Variants in CLPTM1 observed in about 807,000 individuals in gnomAD.
CLPTM1 encodes CLPTM1 regulator of GABA type A receptor forward trafficking, also known as putative lipid scramblase CLPTM1.
Under a neutral mutation model 77.3 loss-of-function variants are expected in CLPTM1, and 21 were observed. The observed-to-expected ratio is 0.27, with a 90% CI of 0.19 to 0.39. The LOEUF (loss-of-function observed/expected upper bound fraction) is 0.39, where lower values mean the gene tolerates loss of function less well. Among genes scored for constraint, CLPTM1 ranks in the 10% least tolerant of loss-of-function variants. The pLI, the probability that CLPTM1 is intolerant of heterozygous loss-of-function variation, is 1.00. For synonymous variants in CLPTM1, 373 were observed against 381.0 expected (o/e 0.98, Z 0.24); for missense variants, 642 against 921.2 (o/e 0.70, Z 3.92).
chr19:44,965,598 G>C (rs1301403553), intron 2 of CLPTM1, among the ~76,000 whole-genome samples: 2 of 152,090 alleles, frequency 1.3e-5, no homozygotes, highest in Non-Finnish European at 2.9e-5. Context: ...CAGATCACGA[G>C]GTCAGGAGAT....
At chr19:44,971,798 A>G (rs914378560) in intron 2 of CLPTM1, among the ~76,000 whole-genome samples, 4 of 151,108 alleles carry the variant, frequency 2.6e-5, no homozygotes, top group Admixed American at 6.6e-5. Flanking sequence ...AGCTCAAGCA[A>G]TCCGCCTGCC....
intron 5 of CLPTM1, among the ~76,000 whole-genome samples, chr19:44,981,476 G>A (rs751950140): frequency 2.2e-4 from 33 of 152,098 alleles, no homozygotes; most frequent in Non-Finnish European, 3.7e-4. Flanking sequence ...AACCTGTAGT[G>A]TCCTCCGACT....
At chr19:44,966,738 G>A (rs973639909) in intron 2 of CLPTM1, among the ~76,000 whole-genome samples, 1 of 152,036 alleles carries the variant, frequency 6.6e-6, no homozygotes, top group Non-Finnish European at 1.5e-5. Context: ...GAGGGGTGCA[G>A]GAGCTGGCAC....
In CLPTM1 at chr19:44,992,577, G is replaced by C; in HGVS notation, c.1724-34G>C. ...GGCCCACCTGGCTGTGGACGGGCCA[G>C]CCCGACCTCACACTGCCTCCCACCC... is the stretch of plus-strand genomic sequence containing the variant. On this transcript the variant is annotated intron_variant, in intron 13 of 13. Coordinates refer to ENST00000337392, the MANE Select transcript of CLPTM1 (RefSeq NM_001294.4). This position sits in a 1 kb window ranked among gnomAD's most constrained non-coding sequence, Gnocchi z 7.7. 1 of 1,611,292 alleles carries C rather than the reference G, an allele frequency of 6.2e-7. No homozygotes were observed. Among genetic ancestry groups the C allele is most frequent in the Non-Finnish European group, 8.5e-7 (1 of 1,178,882 alleles).
At position 44,990,337 on chromosome 19, in the gene CLPTM1, G is replaced by A; in HGVS notation, c.1133-58G>A. 5.1e-6 allele frequency: 8 copies of A among 1,568,546 alleles called. No individual in the cohort carries two copies. Among genetic ancestry groups the A allele is most frequent in the Non-Finnish European group, 7.0e-6 (8 of 1,147,298 alleles). ...CAGGCCAAGGGGGCCTGAGGGAGCT[G>A]CAGTAGGGTCTCAGCACCTCCTCAG... is the stretch of plus-strand genomic sequence containing the variant. On this transcript the variant is annotated intron_variant, in intron 9 of 13. Transcript: ENST00000337392. The surrounding 1 kb of genome is among the most constrained non-coding windows in gnomAD (Gnocchi z 4.8).
In CLPTM1 at chr19:44,959,902, T is replaced by C. The variant is rs113136338; in HGVS notation, c.73-2061T>C. 6.7e-3 allele frequency among the ~76,000 whole-genome samples: 1,018 copies of C among 152,292 alleles called. 13 individuals are homozygous for C. Among genetic ancestry groups the C allele is most frequent in the African/African-American group, 0.023 (974 of 41,550 alleles). ...CCTCATTGTGGTTTTAACTTGCCTT[T>C]CCGTGGGAAGGTTCCCAGCCAGATT... On this transcript the variant is annotated intron_variant, in intron 1 of 13. Coordinates refer to ENST00000337392, the MANE Select transcript of CLPTM1 (RefSeq NM_001294.4).
rs757264276 is a variant in CLPTM1, at chr19:44,974,465, C to T, written c.336C>T (p.His112=). ...LMNLHVYISE[H]EHFTDFNATS... is the part of the protein sequence containing the mutation. ...ACCTGCATGTGTACATCTCAGAGCA[C>T]GAGCACTTTACAGACTTCAACGCCA... Residue 112 remains histidine, a synonymous_variant, in exon 4 of 14, where the codon CAC becomes CAT. Transcript: ENST00000337392. The T allele has an allele frequency of 2.4e-5, 39 of 1,613,868 alleles. No homozygotes were observed. Among genetic ancestry groups the T allele is most frequent in the East Asian group, 4.5e-5 (2 of 44,888 alleles).
chr19:44,955,489 T>G (rs1453507147), intron 1 of CLPTM1, 22 bp downstream of exon 1: 4 of 1,284,372 alleles, frequency 3.1e-6, no homozygotes, highest in Non-Finnish European at 2.0e-6. Flanking sequence ...GAGAGGGGAC[T>G]GAGGGGGTTC....
rs187889522 is a variant in CLPTM1, at chr19:44,993,171, C to G, written c.*274C>G. 2.4e-6 allele frequency: 1 copy of G among 411,236 alleles called. No individual in the cohort carries two copies. The highest frequency in any genetic ancestry group is 1.6e-5 in the South Asian group (1 of 62,712). 25.5% of individuals were successfully genotyped at this position (411,236 alleles called of 1,614,324 possible). A position where few individuals can be genotyped will look rare whatever the true frequency, so the allele number is the denominator to read the frequency against. On this transcript the variant is annotated 3_prime_UTR_variant, in exon 14 of 14. Transcript: ENST00000337392. ...GGGAATCATGGTGAAGCTGATGCAG[C>G]GTTGCCGAGGGGGTGGGTTGGGCGG...
upstream of CLPTM1, chr19:44,955,232 C>T (rs1970439926): frequency 5.3e-6 from 8 of 1,504,996 alleles, no homozygotes; most frequent in Middle Eastern, 2.1e-4. Context: ...CCAGGTTGGT[C>T]CTTCCATAGC....
chr19:44,969,019 G>A (rs1650240221), intron 2 of CLPTM1, among the ~76,000 whole-genome samples: 1 of 152,150 alleles, frequency 6.6e-6, no homozygotes, highest in Non-Finnish European at 1.5e-5. Context: ...GCTCAGCAGG[G>A]AGGCACCCCA....
At position 44,977,225 on chromosome 19, in the gene CLPTM1, G is replaced by A. The variant is rs578010049; in HGVS notation, c.469-118G>A. 4.5e-5 allele frequency: 35 copies of A among 776,640 alleles called. No homozygotes were observed. The African/African-American group carries it at 5.2e-4, about 12-fold the overall frequency. The allele number at this position is 776,640 out of a possible 1,614,324, so 48.1% of individuals were successfully genotyped here. On this transcript the variant is annotated intron_variant, in intron 4 of 13. Transcript: ENST00000337392. Reference sequence around the variant, plus strand: ...CTACATGCCCCACCCTGAGTACTCAGTAAATGGCCAGAGAGTTGAGGGGGA... The same window carrying A: ...CTACATGCCCCACCCTGAGTACTCAATAAATGGCCAGAGAGTTGAGGGGGA...
Position 44,992,217 on chromosome 19 carries a change from G to T in CLPTM1, c.1556-16G>T, listed in dbSNP as rs756546870. 1 of 1,613,698 alleles carries T rather than the reference G, an allele frequency of 6.2e-7. No homozygotes were observed. The highest frequency in any genetic ancestry group is 1.1e-5 in the South Asian group (1 of 91,068). The stretch of plus-strand genomic sequence containing the variant: ...GGGAGAGGCCATCCCTCTGCTCATG[G>T]GTGCTCTCACTGCAGGCTTCATCAC... On this transcript the variant is annotated splice_polypyrimidine_tract_variant and intron_variant, in intron 12 of 13. Transcript: ENST00000337392. The surrounding 1 kb of genome is among the most constrained non-coding windows in gnomAD (Gnocchi z 7.7).
Position 44,969,956 on chromosome 19 carries a change from T to G in CLPTM1, c.186-3131T>G, listed in dbSNP as rs759099423. Among the ~76,000 whole-genome samples the G allele has an allele frequency of 3.4e-5, 5 of 147,288 alleles. 1 individual carries two copies. The highest frequency in any genetic ancestry group is 5.9e-5 in the Non-Finnish European group (4 of 67,586). ...CTTCCCAAAGTGCTGGGATTATAGGTGTAAGCCACCACGCCCAGCCTCGTT... is the reference window on the plus strand; with the variant it reads ...CTTCCCAAAGTGCTGGGATTATAGGGGTAAGCCACCACGCCCAGCCTCGTT... On this transcript the variant is annotated intron_variant, in intron 2 of 13. Transcript: ENST00000337392.
intron 2 of CLPTM1, among the ~76,000 whole-genome samples, chr19:44,972,317 G>C (rs1970732038): frequency 6.6e-6 from 1 of 150,960 alleles, no homozygotes; most frequent in South Asian, 2.1e-4. Context: ...GCGCGATCTT[G>C]GCTCACTGCA....
At chr19:44,956,828 C>T (rs1015298473) in intron 1 of CLPTM1, among the ~76,000 whole-genome samples, 6 of 152,190 alleles carry the variant, frequency 3.9e-5, no homozygotes, top group South Asian at 2.1e-4. Context: ...TACCCCTTTG[C>T]CTTTAGGACA....
chr19:44,986,779 C>A (rs531629700), intron 7 of CLPTM1: 2 of 617,402 alleles, frequency 3.2e-6, no homozygotes, highest in Non-Finnish European at 5.5e-6. Flanking sequence ...CTGACTTCTA[C>A]ACGCCAGCAT....
rs779487087 is a variant in CLPTM1 at position 44,974,601 on chromosome 19, G to A, written c.468+4G>A. The A allele has an allele frequency of 8.1e-6, 13 of 1,612,496 alleles. No individual in the cohort carries two copies. The highest frequency in any genetic ancestry group is 1.1e-5 in the South Asian group (1 of 91,048). On this transcript the variant is annotated splice_donor_region_variant and intron_variant, in intron 4 of 13. Coordinates refer to ENST00000337392, the MANE Select transcript of CLPTM1 (RefSeq NM_001294.4). The stretch of plus-strand genomic sequence containing the variant: ...TGCTGAGCTCGATATCCCACAGGTG[G>A]GGGCAGCTCTCGGTTTCTGGCCCCA...
upstream of CLPTM1, chr19:44,955,298 C>A (rs919743726): frequency 2.8e-6 from 4 of 1,440,778 alleles, no homozygotes; most frequent in African/African-American, 5.7e-5. Context: ...ATAGGGTGGC[C>A]CGGCGGGGCT....
Sources: gnomAD v4.1 joint callset for allele counts (sites outside exome capture counted in the v4.1 genomes callset) on GRCh38, gnomAD v4.1.1 for gene constraint, Gnocchi (gnomAD v3.1) non-coding constraint, MANE v1.5 for transcripts, NCBI Gene and HGNC (gene_info 2026-07-23, HGNC 2026-07-21) for gene names.